The following TENM2 variants were observed in gnomAD, a reference collection of about 807,000 sequenced individuals.
The protein encoded by TENM2 is teneurin transmembrane protein 2.
Under a neutral mutation model 245.2 loss-of-function variants are expected in TENM2, and 52 were observed. That is an observed-to-expected ratio of 0.21 (90% CI 0.17 to 0.27). TENM2 has a LOEUF of 0.27. TENM2 is among the 10% of genes least tolerant of loss of function. The probability of loss-of-function intolerance (pLI) is 1.00; values close to 1 mark genes in which losing one functional copy is unlikely to be tolerated. For missense variants in TENM2, 3,046 were observed against 3,666.8 expected, an observed-to-expected ratio of 0.83 and a Z score of 4.37; for synonymous variants, 1,363 against 1,438.9, an observed-to-expected ratio of 0.95 and a Z score of 1.19.
chr5:167,493,925 A>G (rs555992581), intron 2 of TENM2, among the ~76,000 whole-genome samples: 375 of 152,256 alleles, frequency 2.5e-3, no homozygotes, highest in Middle Eastern at 0.014. Context: ...ATGTGCGGTC[A>G]GGACCCACCT....
rs1028811303 is a variant in TENM2, at chr5:168,218,214, C to A, written c.4323C>A (p.Thr1441=). The change falls in exon 23 of 29, where the codon ACC becomes ACA. Residue 1441 remains threonine (T), a synonymous_variant. Transcript: ENST00000518659. This position sits in a 1 kb window ranked among gnomAD's most constrained non-coding sequence, Gnocchi z 5.2. ...AGAACAATGTCATCCTTCGAATCAC[C>A]GAGAACCACCAAGTCAGCATCATTG... 3 of 1,613,806 alleles carry A rather than the reference C, an allele frequency of 1.9e-6. No individual in the cohort carries two copies. Among genetic ancestry groups the A allele is most frequent in the African/African-American group, 2.7e-5 (2 of 74,892 alleles).
intron 2 of TENM2, among the ~76,000 whole-genome samples, chr5:167,431,945 ATATGTATATATATATG>A (rs1291129751): frequency 2.4e-4 from 23 of 93,962 alleles, no homozygotes; most frequent in Admixed American, 3.8e-4. Context: ...ATATACATAT[ATATGTATATATATATG>A]TATATATATA....
chr5:167,077,108 G>A, the TENM2 span, among the ~76,000 whole-genome samples: 1 of 152,162 alleles, frequency 6.6e-6, no homozygotes, highest in Admixed American at 6.5e-5. Context: ...TTACAACCAT[G>A]AGCCACTGTG....
At chr5:167,469,586 T>C (rs1766881842) in intron 2 of TENM2, among the ~76,000 whole-genome samples, 1 of 152,176 alleles carries the variant, frequency 6.6e-6, no homozygotes. Flanking sequence ...AAGTTTATAA[T>C]GCAAGTGTTT....
chr5:168,228,281 T>C (rs1247511763), intron 25 of TENM2, among the ~76,000 whole-genome samples, 151 bp downstream of exon 27: 1 of 125,804 alleles, frequency 7.9e-6, no homozygotes, highest in Non-Finnish European at 1.6e-5. Flanking sequence ...TCAAAGCCTC[T>C]AATACCCCTT....
the TENM2 span, among the ~76,000 whole-genome samples, chr5:167,200,167 G>C: frequency 6.6e-6 from 1 of 151,846 alleles, no homozygotes. Context: ...GTGTGTGTGT[G>C]TGTGTGAATT....
At chr5:167,159,461 G>A in the TENM2 span, among the ~76,000 whole-genome samples, 1 of 152,120 alleles carries the variant, frequency 6.6e-6, no homozygotes, top group African/African-American at 2.4e-5. Flanking sequence ...AAAAACGCAA[G>A]GAGAGTGAAT....
At position 167,641,829 on chromosome 5, in the gene TENM2, A is replaced by G. The variant is rs1340632628; in HGVS notation, c.503-234157A>G. Among the ~76,000 whole-genome samples, 2 of 152,054 alleles carry G rather than the reference A, an allele frequency of 1.3e-5. 1 individual carries two copies. The highest frequency in any genetic ancestry group is 2.9e-5 in the Non-Finnish European group (2 of 68,002). ...ATGCATCTAAAGGACCCACTAACAT[A>G]CCACCATGCCTGGCACAAAAATAAC... On this transcript the variant is annotated intron_variant, in intron 2 of 28. Transcript: ENST00000518659.
At chr5:168,115,677 G>A (rs1161069897) in intron 9 of TENM2, among the ~76,000 whole-genome samples, 1 of 152,124 alleles carries the variant, frequency 6.6e-6, no homozygotes, top group African/African-American at 2.4e-5. Flanking sequence ...CATACTTCTC[G>A]CTGTTTTTTA....
chr5:167,057,430 G>C, the TENM2 span, among the ~76,000 whole-genome samples: 1 of 151,964 alleles, frequency 6.6e-6, no homozygotes, highest in African/African-American at 2.4e-5. Context: ...TGGTGTACTG[G>C]GTAAAAACAC....
At chr5:167,913,366 T>TA (rs1776694612) in intron 3 of TENM2, among the ~76,000 whole-genome samples, 1 of 152,214 alleles carries the variant, frequency 6.6e-6, no homozygotes, top group South Asian at 2.1e-4. Flanking sequence ...CATATTTTCA[T>TA]ATTGGGCAAG....
At chr5:167,284,892 G>A in exon 1 of TENM2, 1 of 1,551,786 alleles carries the variant, frequency 6.4e-7, no homozygotes, top group Non-Finnish European at 8.7e-7. Context: ...CTGTGGCAAA[G>A]AGTGTCGCTA....
intron 4 of TENM2, among the ~76,000 whole-genome samples, chr5:167,973,411 C>A (rs1583529788): frequency 6.6e-6 from 1 of 152,200 alleles, no homozygotes; most frequent in East Asian, 1.9e-4. Context: ...TTTGTAGGGG[C>A]CCAACACGCA....
chr5:166,993,578 A>G, the TENM2 span, among the ~76,000 whole-genome samples: 1 of 152,192 alleles, frequency 6.6e-6, no homozygotes, highest in Admixed American at 6.5e-5. Context: ...ATGGCCAACC[A>G]TGACTCATGG....
chr5:167,180,934 G>A, the TENM2 span, among the ~76,000 whole-genome samples: 1 of 149,812 alleles, frequency 6.7e-6, no homozygotes, highest in Non-Finnish European at 1.5e-5. Flanking sequence ...CACGCTGGCT[G>A]TAGCTTTTAT....
intron 9 of TENM2, among the ~76,000 whole-genome samples, chr5:168,110,864 ACT>A (rs1483375634): frequency 6.6e-6 from 1 of 152,142 alleles, no homozygotes; most frequent in Non-Finnish European, 1.5e-5. Flanking sequence ...AACTTTTATA[ACT>A]CTCAAAATGG....
At chr5:167,458,948 G>T (rs1766113207) in intron 2 of TENM2, among the ~76,000 whole-genome samples, 1 of 152,144 alleles carries the variant, frequency 6.6e-6, no homozygotes, top group Non-Finnish European at 1.5e-5. Context: ...AATAACAAGT[G>T]CATTCAAGTT....
intron 2 of TENM2, among the ~76,000 whole-genome samples, chr5:167,487,942 T>C (rs1371958300): frequency 6.6e-6 from 1 of 152,212 alleles, no homozygotes; most frequent in Non-Finnish European, 1.5e-5. Flanking sequence ...AGGTATAATT[T>C]ATAAAATTAT....
At chr5:167,618,435 G>A (rs1777938343) in intron 2 of TENM2, among the ~76,000 whole-genome samples, 1 of 151,958 alleles carries the variant, frequency 6.6e-6, no homozygotes, top group African/African-American at 2.4e-5. Context: ...ATCCTCTGGG[G>A]GCTTCTTCCT....
Sources: gnomAD v4.1 joint callset for allele counts (sites outside exome capture counted in the v4.1 genomes callset) on GRCh38, gnomAD v4.1.1 for gene constraint, Gnocchi (gnomAD v3.1) non-coding constraint, MANE v1.5 for transcripts, NCBI Gene and HGNC (gene_info 2026-07-23, HGNC 2026-07-21) for gene names.